The following VDAC2 variants were observed in gnomAD, a reference collection of about 807,000 sequenced individuals.
The protein encoded by VDAC2 is voltage dependent anion channel 2, also known as non-selective voltage-gated ion channel VDAC2.
In VDAC2, 6 loss-of-function variants were observed where a neutral mutation model predicts 36.6. The ratio of observed to expected loss-of-function variants is 0.16; its 90% CI spans 0.09 to 0.32. The LOEUF is 0.32. VDAC2 is among the 10% of genes least tolerant of loss of function. The pLI, the probability that VDAC2 is intolerant of heterozygous loss-of-function variation, is 1.00. For missense variants in VDAC2, 247 were observed against 346.0 expected (o/e 0.71, Z 2.27); for synonymous variants, 109 against 123.8 (o/e 0.88, Z 0.79).
In VDAC2 at chr10:75,210,945, C is replaced by T; in HGVS notation, c.-26+7C>T. 2.2e-6 allele frequency: 1 copy of T among 452,468 alleles called. No homozygotes were observed. The highest frequency in any genetic ancestry group is 3.9e-6 in the Non-Finnish European group (1 of 259,116). The allele number at this position is 452,468 out of a possible 1,614,324, so 28.0% of individuals were successfully genotyped here. A position where few individuals can be genotyped will look rare whatever the true frequency, so the allele number is the denominator to read the frequency against. Reference sequence around the variant, plus strand: ...CCCCTCAGGACACCACCAGGTACCGCCGCGCCCGCCTCACGCCGACCCAGG... The same window carrying T: ...CCCCTCAGGACACCACCAGGTACCGTCGCGCCCGCCTCACGCCGACCCAGG... On this transcript the variant is annotated splice_region_variant and intron_variant, in intron 1 of 9. Transcript: ENST00000332211.
chr10:75,214,081 C>G lies in VDAC2; in HGVS notation c.150+11C>G, dbSNP rs763744575. 1 of 1,612,132 alleles carries G rather than the reference C, an allele frequency of 6.2e-7. No individual in the cohort carries two copies. Among genetic ancestry groups the G allele is most frequent in the Non-Finnish European group, 8.5e-7 (1 of 1,178,940 alleles). On this transcript the variant is annotated intron_variant, in intron 4 of 9. Coordinates refer to ENST00000332211, the MANE Select transcript of VDAC2 (RefSeq NM_001391963.1). Reference sequence around the variant, plus strand: ...TCTTGCAGTGGCGTGGTGAGTGTTACTGTTGAATAAGTTCTATTGAACCTT... The same window carrying G: ...TCTTGCAGTGGCGTGGTGAGTGTTAGTGTTGAATAAGTTCTATTGAACCTT...
At chr10:75,221,995 G>C (rs1841827368) in intron 7 of VDAC2, among the ~76,000 whole-genome samples, 1 of 152,122 alleles carries the variant, frequency 6.6e-6, no homozygotes, top group Admixed American at 6.6e-5. Flanking sequence ...TAACCAAAAG[G>C]CTGTTTGAGA....
chr10:75,222,772 G>A (rs1841852407), intron 8 of VDAC2, among the ~76,000 whole-genome samples: 1 of 151,996 alleles, frequency 6.6e-6, no homozygotes, highest in South Asian at 2.1e-4. Context: ...GCACAATCAC[G>A]ACTCCCGGCA....
chr10:75,217,886 A>T (rs1841654753), intron 4 of VDAC2: 1 of 1,282,986 alleles, frequency 7.8e-7, no homozygotes, highest in African/African-American at 1.5e-5. Context: ...CTCACTCTAC[A>T]GATATCACAA....
intron 4 of VDAC2, among the ~76,000 whole-genome samples, chr10:75,216,914 C>T (rs1203708682): frequency 1.3e-5 from 2 of 152,132 alleles, no homozygotes; most frequent in African/African-American, 4.8e-5. Context: ...TCAATTTAAT[C>T]ATTCGGAGGT....
chr10:75,213,561 G>A (rs1438291774), intron 3 of VDAC2, among the ~76,000 whole-genome samples: 2 of 152,006 alleles, frequency 1.3e-5, no homozygotes. Flanking sequence ...TAGCTAACAC[G>A]GTGAAACCCC....
chr10:75,229,473 TG>T (rs1842046154), intron 8 of VDAC2, 170 bp from the exon 9 acceptor site: 2 of 506,886 alleles, frequency 3.9e-6, no homozygotes, highest in Non-Finnish European at 6.9e-6. Context: ...TTGAGTTGAA[TG>T]GATACGAATT....
rs542461767 is a variant in VDAC2, at chr10:75,210,829, T to G, written c.-135T>G. Reference sequence around the variant, plus strand: ...GGGTTGCGGCGGGCGGAACGGTGTCTCCTTCACTTCGCCCTCCAGCTGCTG... The same window carrying G: ...GGGTTGCGGCGGGCGGAACGGTGTCGCCTTCACTTCGCCCTCCAGCTGCTG... On this transcript the variant is annotated 5_prime_UTR_variant, in exon 1 of 10. Coordinates refer to ENST00000332211, the MANE Select transcript of VDAC2 (RefSeq NM_001391963.1). 3.9e-5 allele frequency: 11 copies of G among 279,714 alleles called. No individual in the cohort carries two copies. In the South Asian group the frequency reaches 1.1e-3, roughly 29 times the overall value. The allele number at this position is 279,714 out of a possible 1,614,324, so 17.3% of individuals were successfully genotyped here.
chr10:75,211,588 G>A (rs1351553784), intron 2 of VDAC2: 1 of 1,550,628 alleles, frequency 6.4e-7, no homozygotes, highest in Admixed American at 2.0e-5. Context: ...GAATGAATGA[G>A]CTGGTGTAAT....
intron 8 of VDAC2, among the ~76,000 whole-genome samples, chr10:75,228,151 C>T (rs573613406): frequency 3.5e-4 from 53 of 152,262 alleles, no homozygotes; most frequent in African/African-American, 1.2e-3. Flanking sequence ...GCCTCGGCCT[C>T]CCAAAGTGCT....
At chr10:75,217,206 A>G (rs960389680) in intron 4 of VDAC2, among the ~76,000 whole-genome samples, 1 of 152,116 alleles carries the variant, frequency 6.6e-6, no homozygotes, top group African/African-American at 2.4e-5. Context: ...GCAGTGAGCT[A>G]TGACTGTGGC....
At chr10:75,230,619 C>T (rs1009399774) in intron 9 of VDAC2, among the ~76,000 whole-genome samples, 2 of 152,156 alleles carry the variant, frequency 1.3e-5, no homozygotes, top group South Asian at 2.1e-4. Context: ...CTCTTTTCAT[C>T]GGGATAGTAT....
chr10:75,227,536 T>C (rs1305579879), intron 8 of VDAC2, among the ~76,000 whole-genome samples: 1 of 151,744 alleles, frequency 6.6e-6, no homozygotes, highest in Non-Finnish European at 1.5e-5. Flanking sequence ...CTACTCCTTA[T>C]CACAGTTTCA....
At chr10:75,213,912 C>A in intron 3 of VDAC2, 109 bp from the exon 4 acceptor site, 1 of 1,031,708 alleles carries the variant, frequency 9.7e-7, no homozygotes, top group East Asian at 2.5e-5. Context: ...CATTTTTATC[C>A]ACCTCTGAAT....
intron 3 of VDAC2, among the ~76,000 whole-genome samples, chr10:75,212,775 C>G (rs571283189): frequency 1.3e-5 from 2 of 152,202 alleles, no homozygotes; most frequent in African/African-American, 2.4e-5. Context: ...GTCTACATCC[C>G]CCTCCCCCAA....
upstream of VDAC2, among the ~76,000 whole-genome samples, chr10:75,210,395 G>C (rs888048402): frequency 6.6e-6 from 1 of 152,210 alleles, no homozygotes; most frequent in African/African-American, 2.4e-5. Context: ...TTGTTTCGGG[G>C]GGGAACCCGC....
chr10:75,214,051 C>G lies in VDAC2; in HGVS notation c.131C>G (p.Thr44Arg). ...GGGTTGGTGAAACTGGATGTGAAAA[C>G]AAAGTCTTGCAGTGGCGTGGTGAGT... ...GFGLVKLDVK[T>R]KSCSGVEFST... is the part of the protein sequence containing the mutation. Residue 44 changes from threonine to arginine, a missense_variant, in exon 4 of 10, where the codon ACA becomes AGA. Coordinates refer to ENST00000332211, the MANE Select transcript of VDAC2 (RefSeq NM_001391963.1). The G allele has an allele frequency of 6.2e-7, 1 of 1,613,248 alleles. No homozygotes were observed. The highest frequency in any genetic ancestry group is 8.5e-7 in the Non-Finnish European group (1 of 1,179,496).
At chr10:75,211,800 A>G in intron 2 of VDAC2, 1 of 1,102,272 alleles carries the variant, frequency 9.1e-7, no homozygotes, top group Non-Finnish European at 1.3e-6. Context: ...TTTTCCCCTC[A>G]GCGAAGATAT....
chr10:75,226,663 G>A (rs572091364), intron 8 of VDAC2, among the ~76,000 whole-genome samples: 2 of 151,876 alleles, frequency 1.3e-5, no homozygotes, highest in Non-Finnish European at 2.9e-5. Context: ...AGGTTTCACC[G>A]TGTTGGCCAG....
Sources: gnomAD v4.1 joint callset for allele counts (sites outside exome capture counted in the v4.1 genomes callset) on GRCh38, gnomAD v4.1.1 for gene constraint, MANE v1.5 for transcripts, NCBI Gene and HGNC (gene_info 2026-07-23, HGNC 2026-07-21) for gene names.